RPS6KA5: variants seen among roughly 807,000 people sequenced by gnomAD.
RPS6KA5 encodes the protein ribosomal protein S6 kinase alpha-5.
A neutral mutation model predicts 85.5 loss-of-function variants in RPS6KA5; 27 were observed. The observed-to-expected ratio is 0.32, with a 90% CI of 0.23 to 0.44. The LOEUF (loss-of-function observed/expected upper bound fraction) is 0.44. Among genes scored for constraint, RPS6KA5 ranks in the 20% least tolerant of loss-of-function variants. The pLI, the probability that RPS6KA5 is intolerant of heterozygous loss-of-function variation, is 1.00. For synonymous variants in RPS6KA5, 334 were observed against 348.2 expected (o/e 0.96, Z 0.46); for missense variants, 811 against 980.9 (o/e 0.83, Z 2.31).
intron 8 of RPS6KA5, among the ~76,000 whole-genome samples, chr14:90,904,288 T>G (rs1211859827): frequency 1.3e-5 from 2 of 152,188 alleles, no homozygotes. Context: ...TGTGAGCCAC[T>G]GCGCCTGGCC....
At chr14:90,999,652 T>C (rs1486543420) in intron 2 of RPS6KA5, among the ~76,000 whole-genome samples, 3 of 152,110 alleles carry the variant, frequency 2.0e-5, no homozygotes, top group Admixed American at 6.5e-5. Flanking sequence ...AACATACACA[T>C]GACAAGAAGC....
At chr14:90,874,374 T>C (rs1481503640) in intron 15 of RPS6KA5, among the ~76,000 whole-genome samples, 2 of 152,148 alleles carry the variant, frequency 1.3e-5, no homozygotes, top group African/African-American at 2.4e-5. Context: ...TCCTGTAGGA[T>C]AAGGAGAAGT....
At position 90,857,483 on chromosome 14, in the gene RPS6KA5, T is replaced by C. The variant is rs2032339230; in HGVS notation, c.*14591A>G. 1 of 152,236 alleles carries C rather than the reference T, an allele frequency of 6.6e-6. No individual in the cohort carries two copies. The highest frequency in any genetic ancestry group is 1.5e-5 in the Non-Finnish European group (1 of 68,046). 9.4% of individuals were successfully genotyped at this position (152,236 alleles called of 1,614,324 possible). On this transcript the variant is annotated 3_prime_UTR_variant, in exon 17 of 17. Coordinates refer to ENST00000614987, the MANE Select transcript of RPS6KA5 (RefSeq NM_004755.4). ...AAGAGACATAATTTCAGAGCTAAGT[T>C]TGTTCTCCATAAATCAGTTCCTGGA...
At chr14:90,948,429 G>T (rs1595301023) in intron 3 of RPS6KA5, among the ~76,000 whole-genome samples, 1 of 152,164 alleles carries the variant, frequency 6.6e-6, no homozygotes, top group Non-Finnish European at 1.5e-5. Flanking sequence ...GGGCGCAGTG[G>T]CTCACGCCTG....
chr14:90,905,976 A>C (rs1254946561), intron 8 of RPS6KA5, among the ~76,000 whole-genome samples, 173 bp downstream of exon 8: 1 of 152,222 alleles, frequency 6.6e-6, no homozygotes, highest in Non-Finnish European at 1.5e-5. Context: ...TTTTGGCCCT[A>C]CTGAAAGGGT....
At chr14:91,003,704 A>G (rs900648999) in intron 1 of RPS6KA5, among the ~76,000 whole-genome samples, 1 of 152,138 alleles carries the variant, frequency 6.6e-6, no homozygotes, top group African/African-American at 2.4e-5. Context: ...TTTTCCACCA[A>G]TACTGTTCCC....
intron 1 of RPS6KA5, among the ~76,000 whole-genome samples, chr14:91,006,712 T>C (rs1211113881): frequency 6.6e-6 from 1 of 152,206 alleles, no homozygotes; most frequent in Non-Finnish European, 1.5e-5. Context: ...AGATACCTGG[T>C]GTTTCTTCTC....
intron 5 of RPS6KA5, among the ~76,000 whole-genome samples, chr14:90,941,628 C>A (rs2037576303): frequency 6.6e-6 from 1 of 152,222 alleles, no homozygotes; most frequent in Non-Finnish European, 1.5e-5. Context: ...CTGTTTCTTA[C>A]ACAGACTTTC....
At chr14:90,929,281 C>T (rs2036844145) in intron 5 of RPS6KA5, among the ~76,000 whole-genome samples, 1 of 152,024 alleles carries the variant, frequency 6.6e-6, no homozygotes, top group East Asian at 1.9e-4. Context: ...CATCCCCAAA[C>T]ACACAGAAAC....
At chr14:90,920,385 GCTAT>G (rs1385300165) in intron 6 of RPS6KA5, 76 bp from the exon 7 acceptor site, 15 of 1,022,910 alleles carry the variant, frequency 1.5e-5, no homozygotes, top group East Asian at 5.2e-5. Context: ...ATGAATAAAA[GCTAT>G]CTATTAGGAA....
At chr14:90,965,091 A>G (rs2038992935) in intron 3 of RPS6KA5, among the ~76,000 whole-genome samples, 1 of 152,152 alleles carries the variant, frequency 6.6e-6, no homozygotes, top group Non-Finnish European at 1.5e-5. Flanking sequence ...GTGAGTAAAT[A>G]CCTCTTAAAA....
rs529663342 is a variant in RPS6KA5, at chr14:90,854,555, C to G, written c.*17519G>C. 7.9e-5 allele frequency: 12 copies of G among 152,196 alleles called. No individual in the cohort carries two copies. Among genetic ancestry groups the G allele is most frequent in the African/African-American group, 2.6e-4 (11 of 41,540 alleles). The allele number at this position is 152,196 out of a possible 1,614,324, so 9.4% of individuals were successfully genotyped here. ...TGTATATGAGCAGGGTTTGATTATT[C>G]TGACATCAGAAAGCCAACACTAGAT... On this transcript the variant is annotated 3_prime_UTR_variant, in exon 17 of 17. Coordinates refer to ENST00000614987, the MANE Select transcript of RPS6KA5 (RefSeq NM_004755.4).
chr14:91,044,275 A>AG (rs2042722660), intron 1 of RPS6KA5, among the ~76,000 whole-genome samples: 1 of 11,170 alleles, frequency 9.0e-5, no homozygotes, highest in East Asian at 8.5e-3. Flanking sequence ...GAGAGAGAGA[A>AG]AGAAAGAGAG....
intron 12 of RPS6KA5, among the ~76,000 whole-genome samples, chr14:90,897,670 A>C (rs2034915967): frequency 6.6e-6 from 1 of 152,248 alleles, no homozygotes; most frequent in East Asian, 1.9e-4. Context: ...CTGAATATAT[A>C]AATAGCAAAA....
chr14:90,875,651 C>T (rs1270547394), intron 14 of RPS6KA5, among the ~76,000 whole-genome samples: 1 of 151,712 alleles, frequency 6.6e-6, no homozygotes, highest in Non-Finnish European at 1.5e-5. Flanking sequence ...TGGAACCAAC[C>T]CAAATGTCCA....
In RPS6KA5 at chr14:90,849,399, GT is replaced by G. The variant is rs2031876572; in HGVS notation, c.*22674del. The G allele has an allele frequency of 1.3e-5, 2 of 152,242 alleles. No homozygotes were observed. Among genetic ancestry groups the G allele is most frequent in the Non-Finnish European group, 2.9e-5 (2 of 68,056 alleles). 9.4% of individuals were successfully genotyped at this position (152,242 alleles called of 1,614,324 possible). A position where few individuals can be genotyped will look rare whatever the true frequency, so the allele number is the denominator to read the frequency against. On this transcript the variant is annotated 3_prime_UTR_variant, in exon 17 of 17. Coordinates refer to ENST00000614987, the MANE Select transcript of RPS6KA5 (RefSeq NM_004755.4). ...CTTATGAATAGATCCACTTTGGTTGGTAATTCTTCTGCCTGACAGGCTGCCT... is the reference window on the plus strand; with the variant it reads ...CTTATGAATAGATCCACTTTGGTTGGAATTCTTCTGCCTGACAGGCTGCCT...
In RPS6KA5 at chr14:90,894,678, T is replaced by G. The variant is rs939789956; in HGVS notation, c.1474-95A>C. Reference sequence around the variant, plus strand: ...TATTGACTATCTACCACCAATACGTTTAAATAATCCCCTGTTAAAATAATC... The same window carrying G: ...TATTGACTATCTACCACCAATACGTGTAAATAATCCCCTGTTAAAATAATC... On this transcript the variant is annotated intron_variant, in intron 12 of 16. Coordinates refer to ENST00000614987, the MANE Select transcript of RPS6KA5 (RefSeq NM_004755.4). The G allele has an allele frequency of 4.4e-6, 6 of 1,349,326 alleles. No homozygotes were observed. The African/African-American group carries it at 8.8e-5, about 20-fold the overall frequency. 83.6% of individuals were successfully genotyped at this position (1,349,326 alleles called of 1,614,324 possible). A position where few individuals can be genotyped will look rare whatever the true frequency, so the allele number is the denominator to read the frequency against.
At chr14:90,974,037 C>CAAAAAAAA (rs56212923) in intron 3 of RPS6KA5, among the ~76,000 whole-genome samples, 2,322 of 61,330 alleles carry the variant, frequency 0.038, 403 homozygotes, top group Non-Finnish European at 0.042. Flanking sequence ...GACTCCATCT[C>CAAAAAAAA]AAAAAAAAAA....
At chr14:90,986,562 G>C (rs561668589) in intron 2 of RPS6KA5, among the ~76,000 whole-genome samples, 1 of 152,278 alleles carries the variant, frequency 6.6e-6, no homozygotes, top group African/African-American at 2.4e-5. Context: ...ACTAAATAGT[G>C]ATGTCTTAAC....
Sources: gnomAD v4.1 joint callset for allele counts (sites outside exome capture counted in the v4.1 genomes callset) on GRCh38, gnomAD v4.1.1 for gene constraint, MANE v1.5 for transcripts, NCBI Gene and HGNC (gene_info 2026-07-23, HGNC 2026-07-21) for gene names.